GRM1: variants seen among roughly 807,000 people sequenced by gnomAD.
GRM1 encodes the protein metabotropic glutamate receptor 1.
In GRM1, 33 loss-of-function variants were observed where a neutral mutation model predicts 90.9. The ratio of observed to expected loss-of-function variants is 0.36; its 90% CI spans 0.28 to 0.49. The LOEUF is 0.49. Ranked by LOEUF, GRM1 falls within the 20% of genes least tolerant of loss-of-function variation. GRM1 has a pLI of 0.99. For synonymous variants in GRM1, 700 were observed against 613.2 expected (o/e 1.14, Z -2.09); for missense variants, 1,190 against 1,534.3 (o/e 0.78, Z 3.75).
intron 3 of GRM1, among the ~76,000 whole-genome samples, chr6:146,309,078 A>C (rs1363149358): frequency 6.6e-6 from 1 of 152,120 alleles, no homozygotes; most frequent in Non-Finnish European, 1.5e-5. Flanking sequence ...TCTAGAAGTT[A>C]AATTTCTAGA....
At chr6:146,222,706 C>A (rs1324514550) in intron 2 of GRM1, among the ~76,000 whole-genome samples, 1 of 152,018 alleles carries the variant, frequency 6.6e-6, no homozygotes, top group East Asian at 1.9e-4. Flanking sequence ...TTGAGAAACG[C>A]CCCCATAGAT....
chr6:146,393,673 GAAAATGGCCATACTGCCC>G (rs1358594133), intron 6 of GRM1, among the ~76,000 whole-genome samples: 1 of 152,112 alleles, frequency 6.6e-6, no homozygotes, highest in Admixed American at 6.6e-5. Flanking sequence ...TCAGTATCGT[GAAAATGGCCATACTGCCC>G]AAAGTAATTT....
intron 7 of GRM1, among the ~76,000 whole-genome samples, chr6:146,412,569 A>T (rs1562681274): frequency 6.6e-6 from 1 of 152,236 alleles, no homozygotes; most frequent in Non-Finnish European, 1.5e-5. Flanking sequence ...TGTAGTAAGT[A>T]GATTTTAAGA....
Position 146,029,531 on chromosome 6 carries a change from T to C in GRM1, c.14T>C (p.Leu5Pro). The change falls in exon 1 of 8, where the codon CTT (leucine) becomes CCT (proline). Residue 5 changes from leucine to proline, a missense_variant. Leu to Pro is a moderately conservative substitution (Grantham distance 98, BLOSUM62 -3). Transcript: ENST00000282753. Reference sequence around the variant, plus strand: ...GTCCTCACCACCATGGTCGGGCTCCTTTTGTTTTTTTTCCCAGCGATCTTT... The same window carrying C: ...GTCCTCACCACCATGGTCGGGCTCCCTTTGTTTTTTTTCCCAGCGATCTTT... MVGLLLFFFPAIFLE... is the reference protein window; with the variant it reads MVGLPLFFFPAIFLE... 1.2e-6 allele frequency: 2 copies of C among 1,613,696 alleles called. No homozygotes were observed. Among genetic ancestry groups the C allele is most frequent in the Non-Finnish European group, 1.7e-6 (2 of 1,179,686 alleles).
At chr6:146,367,362 A>C (rs1775730539) in intron 5 of GRM1, among the ~76,000 whole-genome samples, 2 of 152,138 alleles carry the variant, frequency 1.3e-5, no homozygotes, top group South Asian at 4.1e-4. Flanking sequence ...TCTTTTGCTC[A>C]AGATTGTTTG....
At chr6:146,066,588 G>A (rs1361785152) in intron 1 of GRM1, among the ~76,000 whole-genome samples, 1 of 152,270 alleles carries the variant, frequency 6.6e-6, no homozygotes, top group Middle Eastern at 3.4e-3. Flanking sequence ...GGATTGCTGG[G>A]TTGAATGGTA....
chr6:146,093,103 C>T (rs1461985514), intron 1 of GRM1, among the ~76,000 whole-genome samples: 2 of 152,074 alleles, frequency 1.3e-5, no homozygotes, highest in African/African-American at 4.8e-5. Flanking sequence ...TTGGAATCTT[C>T]CTGAGACTAG....
At chr6:146,180,890 AT>A (rs996207539) in intron 2 of GRM1, among the ~76,000 whole-genome samples, 2 of 152,164 alleles carry the variant, frequency 1.3e-5, no homozygotes, top group Non-Finnish European at 2.9e-5. Flanking sequence ...TACAGCAAAT[AT>A]TTTTAAAAGC....
intron 3 of GRM1, 96 bp from the exon 4 acceptor site, chr6:146,352,154 T>C: frequency 7.7e-7 from 1 of 1,290,704 alleles, no homozygotes; most frequent in Non-Finnish European, 1.1e-6. Context: ...GCTCATTCCC[T>C]TCCTCTGAGA....
intron 6 of GRM1, 107 bp downstream of exon 6, chr6:146,387,123 C>T (rs1333513539): frequency 2.8e-6 from 3 of 1,069,654 alleles, no homozygotes; most frequent in African/African-American, 3.1e-5. Context: ...TGTTAATTTA[C>T]AATGCACACT....
At chr6:146,055,498 C>A (rs1046809742) in intron 1 of GRM1, among the ~76,000 whole-genome samples, 4 of 151,960 alleles carry the variant, frequency 2.6e-5, no homozygotes, top group African/African-American at 9.7e-5. Flanking sequence ...CTTTCAATTC[C>A]TAACATGTCG....
At chr6:146,224,046 G>A (rs987235504) in intron 2 of GRM1, among the ~76,000 whole-genome samples, 1 of 151,986 alleles carries the variant, frequency 6.6e-6, no homozygotes, top group African/African-American at 2.4e-5. Flanking sequence ...GGGCCCTCCA[G>A]AAATCCAGCT....
chr6:146,316,587 C>T (rs1783978267), intron 3 of GRM1, among the ~76,000 whole-genome samples: 1 of 152,186 alleles, frequency 6.6e-6, no homozygotes, highest in South Asian at 2.1e-4. Context: ...TCTTTGGAAA[C>T]AGATTCGAAA....
intron 1 of GRM1, among the ~76,000 whole-genome samples, chr6:146,041,377 G>A (rs1289789730): frequency 1.3e-5 from 2 of 151,938 alleles, no homozygotes; most frequent in Non-Finnish European, 2.9e-5. Context: ...CCCTGTGTTG[G>A]TGTGGTCTGT....
At chr6:146,124,021 A>C (rs1197776202) in intron 1 of GRM1, among the ~76,000 whole-genome samples, 1 of 152,228 alleles carries the variant, frequency 6.6e-6, no homozygotes, top group Non-Finnish European at 1.5e-5. Context: ...TACAAAACTC[A>C]TCATTTTTCT....
intron 2 of GRM1, among the ~76,000 whole-genome samples, chr6:146,209,332 A>G (rs1239628145): frequency 1.3e-5 from 2 of 152,144 alleles, no homozygotes; most frequent in South Asian, 2.1e-4. Context: ...AGAGAGTGCA[A>G]TTAACTCGCT....
At chr6:146,232,153 G>A (rs1780471465) in intron 2 of GRM1, among the ~76,000 whole-genome samples, 1 of 152,062 alleles carries the variant, frequency 6.6e-6, no homozygotes, top group Non-Finnish European at 1.5e-5. Flanking sequence ...GTCTTTATTA[G>A]TTTGTTAGGG....
chr6:146,097,974 C>T (rs1246667366), intron 1 of GRM1, among the ~76,000 whole-genome samples: 2 of 152,204 alleles, frequency 1.3e-5, no homozygotes, highest in Non-Finnish European at 2.9e-5. Context: ...GATTATTCCT[C>T]TGTTCAGCAC....
At chr6:146,139,899 T>C (rs1187130903) in intron 1 of GRM1, among the ~76,000 whole-genome samples, 24 of 112,444 alleles carry the variant, frequency 2.1e-4, no homozygotes, top group African/African-American at 7.9e-4. Flanking sequence ...TCCCTTCCCT[T>C]CCCTTCCCTT....
Sources: allele counts gnomAD v4.1 joint callset (sites outside exome capture counted in the v4.1 genomes callset), GRCh38; gene constraint gnomAD v4.1.1; transcripts MANE v1.5; gene names NCBI Gene and HGNC (gene_info 2026-07-23, HGNC 2026-07-21).